ECE1: variants seen among roughly 807,000 people sequenced by gnomAD.
ECE1 encodes endothelin converting enzyme 1.
ECE1 carries 35 observed loss-of-function variants against 98.6 expected under a neutral mutation model. That is an observed-to-expected ratio of 0.35 (90% confidence interval 0.27 to 0.47). The LOEUF (loss-of-function observed/expected upper bound fraction) is 0.47. Among genes scored for constraint, ECE1 ranks in the 20% least tolerant of loss-of-function variants. The probability of loss-of-function intolerance (pLI) is 1.00; values close to 1 mark genes in which losing one functional copy is unlikely to be tolerated. For missense variants in ECE1, 814 were observed against 1,025.3 expected, an observed-to-expected ratio of 0.79 and a Z score of 2.81; for synonymous variants, 394 against 407.1, an observed-to-expected ratio of 0.97 and a Z score of 0.39.
chr1:21,276,295 G>C (rs1295838367), intron 3 of ECE1, among the ~76,000 whole-genome samples: 1 of 152,116 alleles, frequency 6.6e-6, no homozygotes, highest in Non-Finnish European at 1.5e-5. Context: ...CAAAGGGCTA[G>C]GATTATAGGC....
chr1:21,336,528 C>G (rs1639308008), intron 1 of ECE1, among the ~76,000 whole-genome samples: 1 of 152,152 alleles, frequency 6.6e-6, no homozygotes, highest in Admixed American at 6.5e-5. Flanking sequence ...AACCCCGTCT[C>G]TACTAAAAAT....
intron 4 of ECE1, among the ~76,000 whole-genome samples, chr1:21,270,296 A>C (rs1048418348): frequency 6.6e-6 from 1 of 152,220 alleles, no homozygotes; most frequent in Admixed American, 6.5e-5. Context: ...CAGTGGCTCT[A>C]AAGAGCATGG....
chr1:21,287,962 A>G (rs867411506), intron 2 of ECE1, among the ~76,000 whole-genome samples: 6,295 of 123,554 alleles, frequency 0.051, 403 homozygotes, highest in African/African-American at 0.19. Context: ...ACACTGGGGA[A>G]AAAAAAAAAA....
At chr1:21,287,355 GTC>G (rs1352828224) in intron 2 of ECE1, among the ~76,000 whole-genome samples, 1 of 152,168 alleles carries the variant, frequency 6.6e-6, no homozygotes, top group East Asian at 1.9e-4. Flanking sequence ...GCAAAACCTT[GTC>G]TCTACTGAAA....
intron 2 of ECE1, among the ~76,000 whole-genome samples, chr1:21,281,185 G>A (rs1241128056): frequency 4.0e-5 from 6 of 148,772 alleles, no homozygotes; most frequent in South Asian, 2.1e-4. Context: ...GCAAGACTCC[G>A]TCTCGGAAAA....
chr1:21,260,352 C>T lies in ECE1; in HGVS notation c.534G>A (p.Ala178=), dbSNP rs28367975. The change falls in exon 5 of 19, where the codon GCG becomes GCA. Residue 178 remains alanine (A), a synonymous_variant. Transcript: ENST00000374893. The surrounding 1 kb of genome is among the most constrained non-coding windows in gnomAD (Gnocchi z 4.3). ...TCATGCACGCACGGTAGTATACTTG[C>T]GCCTTTCTCTCTGCCTCGCTCACGC... ...TASVSEAERK[A]QVYYRACMNE... The T allele has an allele frequency of 2.9e-5, 47 of 1,614,256 alleles. No individual in the cohort carries two copies. The East Asian group carries it at 8.9e-4, about 31-fold the overall frequency.
chr1:21,304,803 C>T (rs1638561693), intron 1 of ECE1, among the ~76,000 whole-genome samples: 1 of 152,058 alleles, frequency 6.6e-6, no homozygotes, highest in South Asian at 2.1e-4. Flanking sequence ...ATGGAAATTA[C>T]ACCTTATTAA....
chr1:21,279,719 A>C, intron 2 of ECE1: 5 of 1,310,542 alleles, frequency 3.8e-6, no homozygotes, highest in Non-Finnish European at 3.9e-6. Context: ...GAGCCCCCAC[A>C]TCAGCGGGGT....
rs117160851 is a variant in ECE1, at chr1:21,250,872, T to C, written c.1021-3509A>G. Among the ~76,000 whole-genome samples the C allele has an allele frequency of 1.3e-3, 192 of 152,274 alleles. 3 individuals are homozygous for C. In the East Asian group the frequency reaches 0.036, roughly 29 times the overall value. On this transcript the variant is annotated intron_variant, in intron 8 of 18. Transcript: ENST00000374893. ...AATACAAAAAATTAGCCGGGCATTA[T>C]GGTGGACGCCTGTAGTCCCAGCTAC...
chr1:21,233,545 TG>T lies in ECE1; in HGVS notation c.1670+12del, dbSNP rs2098184368. On this transcript the variant is annotated intron_variant, in intron 14 of 18. Transcript: ENST00000374893. This position sits in a 1 kb window ranked among gnomAD's most constrained non-coding sequence, Gnocchi z 4.0. ...GAGCTGGCACCTTGCCGGCAGGGCCTGGGGGAACTCACTGATCTCTGTTGGG... is the reference window on the plus strand; with the variant it reads ...GAGCTGGCACCTTGCCGGCAGGGCCTGGGGAACTCACTGATCTCTGTTGGG... The T allele has an allele frequency of 1.9e-6, 3 of 1,612,490 alleles. No homozygotes were observed. Among genetic ancestry groups the T allele is most frequent in the African/African-American group, 1.3e-5 (1 of 74,882 alleles).
At chr1:21,336,520 C>A (rs1055695619) in intron 1 of ECE1, among the ~76,000 whole-genome samples, 4 of 152,078 alleles carry the variant, frequency 2.6e-5, no homozygotes, top group African/African-American at 7.2e-5. Flanking sequence ...CATGGTGAAA[C>A]CCCGTCTCTA....
intron 10 of ECE1, among the ~76,000 whole-genome samples, chr1:21,239,982 C>A (rs376086323): frequency 6.6e-6 from 1 of 151,970 alleles, no homozygotes. Flanking sequence ...ACCAGCCTGG[C>A]CAACATGGTG....
intron 8 of ECE1, among the ~76,000 whole-genome samples, chr1:21,247,568 T>G (rs1413661068): frequency 6.6e-6 from 1 of 152,160 alleles, no homozygotes; most frequent in Non-Finnish European, 1.5e-5. Flanking sequence ...ACACCAAAAT[T>G]TAACCTGAAA....
rs772301075 is a variant in ECE1, at chr1:21,260,490, G to A, written c.494-98C>T. 1.5e-5 allele frequency: 22 copies of A among 1,450,996 alleles called. No homozygotes were observed. The highest frequency in any genetic ancestry group is 2.1e-5 in the Non-Finnish European group (22 of 1,037,082). The allele number at this position is 1,450,996 out of a possible 1,614,324, so 89.9% of individuals were successfully genotyped here. Reference sequence around the variant, plus strand: ...TTTCGGAGCCTTGGTGTTCTCAGCTGCAAAGGAGCTCTGACATCTGCCTGT... The same window carrying A: ...TTTCGGAGCCTTGGTGTTCTCAGCTACAAAGGAGCTCTGACATCTGCCTGT... On this transcript the variant is annotated intron_variant, in intron 4 of 18. Transcript: ENST00000374893. This position sits in a 1 kb window ranked among gnomAD's most constrained non-coding sequence, Gnocchi z 4.3.
rs553907674 is a variant in ECE1 at position 21,245,716 on chromosome 1, A to G, written c.1164-613T>C. On this transcript the variant is annotated intron_variant, in intron 9 of 18. Coordinates refer to ENST00000374893, the MANE Select transcript of ECE1 (RefSeq NM_001397.3). Reference sequence around the variant, plus strand: ...TGATAATGAGAAGGAGGAAGTAAAGAACTGTATTTGTACACGACGGAGTAC... The same window carrying G: ...TGATAATGAGAAGGAGGAAGTAAAGGACTGTATTTGTACACGACGGAGTAC... Among the ~76,000 whole-genome samples, 6 of 152,258 alleles carry G rather than the reference A, an allele frequency of 3.9e-5. No homozygotes were observed. The South Asian group carries it at 1.2e-3, about 32-fold the overall frequency.
At chr1:21,274,369 C>T (rs2098244055) in intron 3 of ECE1, among the ~76,000 whole-genome samples, 2 of 152,236 alleles carry the variant, frequency 1.3e-5, no homozygotes, top group Non-Finnish European at 2.9e-5. Flanking sequence ...GCAGGGTGGG[C>T]TTTGGAGGCC....
intron 1 of ECE1, among the ~76,000 whole-genome samples, chr1:21,300,375 T>C (rs909314008): frequency 1.3e-5 from 2 of 151,672 alleles, no homozygotes; most frequent in Non-Finnish European, 2.9e-5. Flanking sequence ...TCATCAGGGG[T>C]CCTAAGGACA....
intron 9 of ECE1, among the ~76,000 whole-genome samples, chr1:21,246,118 G>A (rs1172316401): frequency 6.6e-6 from 1 of 151,574 alleles, no homozygotes; most frequent in Non-Finnish European, 1.5e-5. Flanking sequence ...ATTTTAACAA[G>A]TAAGTTTGGG....
At chr1:21,239,071 G>C (rs2098192164) in intron 10 of ECE1, among the ~76,000 whole-genome samples, 1 of 151,218 alleles carries the variant, frequency 6.6e-6, no homozygotes, top group African/African-American at 2.4e-5. Flanking sequence ...GGGCTCAAGT[G>C]ATCCACCTGC....
Sources: allele counts gnomAD v4.1 joint callset (sites outside exome capture counted in the v4.1 genomes callset), GRCh38; gene constraint gnomAD v4.1.1; non-coding constraint Gnocchi (gnomAD v3.1); transcripts MANE v1.5; gene names NCBI Gene and HGNC (gene_info 2026-07-23, HGNC 2026-07-21).